Variants in SCIMP observed in about 807,000 individuals in gnomAD.
The protein encoded by SCIMP is SLP adapter and CSK-interacting membrane protein.
SCIMP carries 18 observed loss-of-function variants against 22.0 expected under a neutral mutation model. That is an observed-to-expected ratio of 0.82 (90% confidence interval 0.56 to 1.21). The LOEUF (loss-of-function observed/expected upper bound fraction) is 1.21, where lower values mean the gene tolerates loss of function less well. Ranked by LOEUF, SCIMP falls within the 50% of genes most tolerant of loss-of-function variation. The pLI, the probability that SCIMP is intolerant of heterozygous loss-of-function variation, is 0.00. For missense variants in SCIMP, 155 were observed against 171.2 expected (o/e 0.91, Z 0.53); for synonymous variants, 53 against 62.2 (o/e 0.85, Z 0.70).
intron 1 of SCIMP, among the ~76,000 whole-genome samples, chr17:5,229,700 T>C (rs1235344705): frequency 6.6e-6 from 1 of 150,696 alleles, no homozygotes; most frequent in Non-Finnish European, 1.5e-5. Flanking sequence ...CCGGCGTATT[T>C]AGCATTTTTA....
At chr17:5,234,593 C>G in intron 1 of SCIMP, 142 bp downstream of exon 1, 2 of 803,996 alleles carry the variant, frequency 2.5e-6, no homozygotes, top group East Asian at 5.3e-5. Context: ...CCCTACACAG[C>G]AGTCGTACCA....
chr17:5,226,773 T>C (rs1038718645), intron 1 of SCIMP, among the ~76,000 whole-genome samples: 18 of 152,064 alleles, frequency 1.2e-4, no homozygotes, highest in Admixed American at 6.6e-5. Flanking sequence ...CCTCCCAAAG[T>C]GCTGGGATTA....
intron 3 of SCIMP, among the ~76,000 whole-genome samples, chr17:5,216,889 A>G (rs990294545): frequency 6.6e-6 from 1 of 152,126 alleles, no homozygotes; most frequent in Non-Finnish European, 1.5e-5. Context: ...CTGTATTTAT[A>G]TGATACTTTG....
chr17:5,216,623 G>A (rs2641257), intron 3 of SCIMP, among the ~76,000 whole-genome samples: 113,762 of 151,996 alleles, frequency 0.75, 43,508 homozygotes, highest in Non-Finnish European at 0.83. Flanking sequence ...CCAAGATCGC[G>A]CCACTGCACT....
At chr17:5,233,426 G>A (rs1476175207) in intron 1 of SCIMP, among the ~76,000 whole-genome samples, 1 of 152,158 alleles carries the variant, frequency 6.6e-6, no homozygotes, top group Non-Finnish European at 1.5e-5. Context: ...AGGCTGGAGT[G>A]CAGTGACATA....
At chr17:5,212,432 A>C (rs1243861929) in intron 4 of SCIMP, among the ~76,000 whole-genome samples, 3 of 152,162 alleles carry the variant, frequency 2.0e-5, no homozygotes, top group Non-Finnish European at 4.4e-5. Flanking sequence ...CAGGAGATCG[A>C]GATCATCCTT....
chr17:5,230,497 G>A (rs1439316383), intron 1 of SCIMP, among the ~76,000 whole-genome samples: 1 of 152,150 alleles, frequency 6.6e-6, no homozygotes, highest in Non-Finnish European at 1.5e-5. Context: ...ATGAGAAGAA[G>A]GGATGGAAAG....
intron 1 of SCIMP, among the ~76,000 whole-genome samples, chr17:5,232,065 A>AC (rs974577071): frequency 7.2e-5 from 11 of 151,782 alleles, no homozygotes; most frequent in Admixed American, 4.6e-4. Context: ...CAAAAACAAA[A>AC]AAAAAAAACT....
chr17:5,212,156 T>C (rs1567836810), intron 4 of SCIMP, among the ~76,000 whole-genome samples: 1 of 152,212 alleles, frequency 6.6e-6, no homozygotes, highest in Non-Finnish European at 1.5e-5. Context: ...TTGATGGGGA[T>C]TGGAACTGCC....
intron 4 of SCIMP, among the ~76,000 whole-genome samples, chr17:5,212,090 C>G (rs572357695): frequency 6.6e-6 from 1 of 152,012 alleles, no homozygotes; most frequent in African/African-American, 2.4e-5. Flanking sequence ...AAAAAACAAA[C>G]AAAAAGAACA....
intron 3 of SCIMP, 187 bp from the exon 4 acceptor site, chr17:5,215,185 C>T (rs936512508): frequency 9.4e-6 from 5 of 530,472 alleles, no homozygotes; most frequent in African/African-American, 5.8e-5. Context: ...CTAATGAAAC[C>T]GTTTTCTGTA....
intron 4 of SCIMP, chr17:5,213,196 AC>A (rs2074539208): frequency 1.0e-6 from 1 of 980,810 alleles, no homozygotes; most frequent in African/African-American, 1.8e-5. Context: ...ATGAATTTAC[AC>A]CCTTATATCA....
intron 4 of SCIMP, chr17:5,213,008 C>CTTCTTTTTTTTTTTTTTTTTTTTTTTTTT (rs2074536537): frequency 3.6e-6 from 1 of 276,082 alleles, no homozygotes; most frequent in African/African-American, 3.4e-5. Context: ...GAGAGGGCCT[C>CTTCTTTTTTTTTTTTTTTTTTTTTTTTTT]TTTGAGGTGG....
chr17:5,217,117 G>C (rs1427552231), intron 3 of SCIMP, among the ~76,000 whole-genome samples: 1 of 152,138 alleles, frequency 6.6e-6, no homozygotes, highest in Non-Finnish European at 1.5e-5. Context: ...AGAGAAGAAA[G>C]CAACTCATCT....
chr17:5,216,790 C>T (rs114612201), intron 3 of SCIMP, among the ~76,000 whole-genome samples: 3 of 152,152 alleles, frequency 2.0e-5, no homozygotes, highest in African/African-American at 7.2e-5. Flanking sequence ...GTGCTGGTAA[C>T]GTCCTATTTC....
At chr17:5,230,344 G>A (rs539563189) in intron 1 of SCIMP, among the ~76,000 whole-genome samples, 48 of 152,318 alleles carry the variant, frequency 3.2e-4, no homozygotes, top group African/African-American at 9.4e-4. Context: ...CCGACCAGGA[G>A]AGTCCCCTAT....
intron 1 of SCIMP, among the ~76,000 whole-genome samples, chr17:5,232,246 C>G (rs2074703880): frequency 6.6e-6 from 1 of 151,582 alleles, no homozygotes; most frequent in Non-Finnish European, 1.5e-5. Flanking sequence ...ACAAGCCCCT[C>G]TGGTGGTCCC....
intron 3 of SCIMP, 118 bp downstream of exon 3, chr17:5,221,169 C>T (rs1441479406): frequency 1.2e-6 from 1 of 809,138 alleles, no homozygotes; most frequent in Admixed American, 1.8e-5. Flanking sequence ...TGAAGTCTCG[C>T]CAGCTCTACA....
intron 3 of SCIMP, among the ~76,000 whole-genome samples, chr17:5,220,237 C>T (rs1009570382): frequency 1.3e-5 from 2 of 152,066 alleles, no homozygotes; most frequent in African/African-American, 4.8e-5. Context: ...GAAGTATAGA[C>T]TGGGCGCTGG....
Sources: gnomAD v4.1 joint callset for allele counts (sites outside exome capture counted in the v4.1 genomes callset) on GRCh38, gnomAD v4.1.1 for gene constraint, MANE v1.5 for transcripts, NCBI Gene and HGNC (gene_info 2026-07-23, HGNC 2026-07-21) for gene names.